Variants in CDKL5 observed in about 807,000 individuals in gnomAD.
The protein encoded by CDKL5 is cyclin dependent kinase like 5.
A neutral mutation model predicts 61.7 loss-of-function variants in CDKL5; 8 were observed. The observed-to-expected ratio is 0.13, with a 90% CI of 0.08 to 0.23. CDKL5 has a LOEUF of 0.23. CDKL5 is among the 10% of genes least tolerant of loss of function. The pLI is 1.00. For synonymous variants in CDKL5, 275 were observed against 272.3 expected, an observed-to-expected ratio of 1.01 and a Z score of -0.10; for missense variants, 440 against 734.5, an observed-to-expected ratio of 0.60 and a Z score of 4.63.
At chrX:18,490,232 C>T (rs1015705486) in intron 1 of CDKL5, among the ~76,000 whole-genome samples, 3 of 111,048 alleles carry the variant, frequency 2.7e-5, no homozygotes, top group African/African-American at 9.8e-5. Context: ...CTGTGAGTCA[C>T]GCTAGCAAAT....
intron 1 of CDKL5, among the ~76,000 whole-genome samples, chrX:18,436,219 T>C (rs1235745130): frequency 9.0e-6 from 1 of 111,160 alleles, no homozygotes; most frequent in African/African-American, 3.3e-5. Context: ...GTCTTCACAT[T>C]GAGTAGGCTG....
chrX:18,617,221 G>T (rs1926746029), intron 15 of CDKL5, among the ~76,000 whole-genome samples: 2 of 111,559 alleles, frequency 1.8e-5, no homozygotes, highest in Admixed American at 9.5e-5. Context: ...AGAGTCCCAT[G>T]CCTGTGTGCC....
intron 3 of CDKL5, chrX:18,535,279 A>G (rs1923780799): frequency 1.7e-5 from 2 of 116,452 alleles, no homozygotes; most frequent in African/African-American, 6.5e-5. Flanking sequence ...GTCTTTGCCA[A>G]TCTCCCATGT....
At chrX:18,652,456 G>A (rs1184293321) in intron 21 of CDKL5, among the ~76,000 whole-genome samples, 6 of 112,071 alleles carry the variant, frequency 5.4e-5, no homozygotes, top group African/African-American at 1.9e-4. Flanking sequence ...ATCACTTGAG[G>A]TCAGGAGTTC....
At chrX:18,468,060 C>A (rs1382622263) in intron 1 of CDKL5, among the ~76,000 whole-genome samples, 2 of 111,017 alleles carry the variant, frequency 1.8e-5, no homozygotes, top group Non-Finnish European at 3.8e-5. Context: ...TTTTATTATT[C>A]CTGTAGATTA....
At chrX:18,652,203 T>C (rs746258233) in intron 21 of CDKL5, among the ~76,000 whole-genome samples, 1 of 111,307 alleles carries the variant, frequency 9.0e-6, no homozygotes, top group Non-Finnish European at 1.9e-5. Context: ...ACACACACCA[T>C]CGCCCCATCT....
chrX:18,461,773 C>A (rs1286047626), intron 1 of CDKL5, among the ~76,000 whole-genome samples: 1 of 112,324 alleles, frequency 8.9e-6, no homozygotes, highest in Non-Finnish European at 1.9e-5. Flanking sequence ...CTGTGCTAGG[C>A]ATCTCCATGT....
chrX:18,548,007 G>A (rs980899656), intron 3 of CDKL5, among the ~76,000 whole-genome samples: 1 of 111,136 alleles, frequency 9.0e-6, no homozygotes, highest in Non-Finnish European at 1.9e-5. Flanking sequence ...TTTATTGGCC[G>A]GGGTTGGGTT....
At chrX:18,605,599 CA>C (rs1216951405) in intron 12 of CDKL5, among the ~76,000 whole-genome samples, 1 of 111,635 alleles carries the variant, frequency 9.0e-6, no homozygotes, top group Non-Finnish European at 1.9e-5. Flanking sequence ...AAAACAAAAA[CA>C]GAAACAAAAA....
chrX:18,471,521 C>A (rs1921096044), intron 1 of CDKL5, among the ~76,000 whole-genome samples: 1 of 109,918 alleles, frequency 9.1e-6, no homozygotes, highest in Non-Finnish European at 1.9e-5. Context: ...TACAGGCTTG[C>A]ATTGCCACAC....
At chrX:18,581,287 A>T (rs1330892000) in intron 6 of CDKL5, among the ~76,000 whole-genome samples, 1 of 111,868 alleles carries the variant, frequency 8.9e-6, no homozygotes, top group East Asian at 2.8e-4. Flanking sequence ...TTTCTACTTA[A>T]CTCCCACCAC....
At position 18,598,156 on chromosome X, in the gene CDKL5, T is replaced by A. The variant is rs1275983980; in HGVS notation, c.826-306T>A. ...AATTAAAAGTGTACTTTAAATTTTT[T>A]AATTATATTGTAAAAGTGATTTTGA... On this transcript the variant is annotated intron_variant, in intron 10 of 17. Transcript: ENST00000623535. Among the ~76,000 whole-genome samples, 4 of 111,539 alleles carry A rather than the reference T, an allele frequency of 3.6e-5. No individual in the cohort carries two copies. In the South Asian group the frequency reaches 1.1e-3, roughly 31 times the overall value.
chrX:18,447,686 C>T (rs752339697), intron 1 of CDKL5, among the ~76,000 whole-genome samples: 1 of 111,250 alleles, frequency 9.0e-6, no homozygotes, highest in South Asian at 3.8e-4. Context: ...CCTGTGTGGG[C>T]TTCTTGATGA....
chrX:18,542,795 G>C (rs1924070624), intron 3 of CDKL5, among the ~76,000 whole-genome samples: 1 of 109,760 alleles, frequency 9.1e-6, no homozygotes, highest in South Asian at 4.0e-4. Context: ...TTCCCTCTTG[G>C]TCCCATTGAT....
chrX:18,646,955 C>T (rs903295395), intron 20 of CDKL5, among the ~76,000 whole-genome samples: 6 of 110,813 alleles, frequency 5.4e-5, no homozygotes, highest in African/African-American at 1.6e-4. Flanking sequence ...CTCACTCTGT[C>T]GCCCAGGCTG....
At chrX:18,551,528 C>T (rs1470201583) in intron 3 of CDKL5, among the ~76,000 whole-genome samples, 1 of 105,859 alleles carries the variant, frequency 9.4e-6, no homozygotes, top group Non-Finnish European at 1.9e-5. Flanking sequence ...CAAGGTGGCC[C>T]CAAGTCTCAT....
intron 1 of CDKL5, among the ~76,000 whole-genome samples, chrX:18,492,078 G>T (rs1308502665): frequency 9.0e-6 from 1 of 111,019 alleles, no homozygotes; most frequent in African/African-American, 3.3e-5. Context: ...TATCAAATTG[G>T]TTTCCAATTT....
intron 3 of CDKL5, among the ~76,000 whole-genome samples, chrX:18,534,410 C>T (rs1296258247): frequency 9.0e-6 from 1 of 111,587 alleles, no homozygotes; most frequent in East Asian, 2.8e-4. Flanking sequence ...AACTGGATTT[C>T]TTGATTCCTT....
chrX:18,524,224 TA>T (rs1216750527), intron 3 of CDKL5, among the ~76,000 whole-genome samples: 4 of 111,985 alleles, frequency 3.6e-5, no homozygotes, highest in African/African-American at 1.3e-4. Context: ...CTATGGGTTT[TA>T]AAAATGTCCT....
Sources: allele counts gnomAD v4.1 joint callset (sites outside exome capture counted in the v4.1 genomes callset), GRCh38; gene constraint gnomAD v4.1.1; transcripts MANE v1.5; gene names NCBI Gene and HGNC (gene_info 2026-07-23, HGNC 2026-07-21).